The following PTPRF variants were observed in gnomAD, a reference collection of about 807,000 sequenced individuals.
PTPRF encodes receptor-type tyrosine-protein phosphatase F.
In PTPRF, 59 loss-of-function variants were observed where a neutral mutation model predicts 201.8. That is an observed-to-expected ratio of 0.29 (90% CI 0.24 to 0.36). The LOEUF is 0.36. PTPRF is among the 10% of genes least tolerant of loss of function. The pLI, the probability that PTPRF is intolerant of heterozygous loss-of-function variation, is 1.00. For synonymous variants in PTPRF, 1,088 were observed against 1,089.7 expected (o/e 1.00, Z 0.03); for missense variants, 2,132 against 2,690.5 (o/e 0.79, Z 4.59).
Position 43,619,802 on chromosome 1 carries a change from C to T in PTPRF, c.5055C>T (p.Pro1685=), listed in dbSNP as rs1305651262. 4 of 1,614,116 alleles carry T rather than the reference C, an allele frequency of 2.5e-6. No homozygotes were observed. Among genetic ancestry groups the T allele is most frequent in the African/African-American group, 2.7e-5 (2 of 74,952 alleles). The change falls in exon 29 of 34, where the codon CCC becomes CCT. Residue 1685 remains proline, a synonymous_variant. Transcript: ENST00000359947. ...PYELTRVCLQ[P]IRGVEGSDYI... Reference sequence around the variant, plus strand: ...AATTGACCCGTGTGTGTCTGCAGCCCATCCGTGGTGTGGAGGGCTCTGACT... The same window carrying T: ...AATTGACCCGTGTGTGTCTGCAGCCTATCCGTGGTGTGGAGGGCTCTGACT...
Position 43,603,882 on chromosome 1 carries a change from C to T in PTPRF, c.2730C>T (p.Thr910=). 6.2e-7 allele frequency: 1 copy of T among 1,614,098 alleles called. No individual in the cohort carries two copies. The highest frequency in any genetic ancestry group is 8.5e-7 in the Non-Finnish European group (1 of 1,180,034). ...AGGAGTTCGAGAAGGAGATCAGGAC[C>T]CCCGAGGACCTGCCCAGCGGCTTCC... ...LGEEFEKEIR[T]PEDLPSGFPQ... is the part of the protein sequence containing the mutation. Residue 910 remains threonine (T), a synonymous_variant, in exon 16 of 34, where the codon ACC becomes ACT. Coordinates refer to ENST00000359947, the MANE Select transcript of PTPRF (RefSeq NM_002840.5). This position sits in a 1 kb window ranked among gnomAD's most constrained non-coding sequence, Gnocchi z 5.8.
chr1:43,534,870 C>T (rs1212141358), intron 1 of PTPRF, among the ~76,000 whole-genome samples: 1 of 152,186 alleles, frequency 6.6e-6, no homozygotes, highest in Non-Finnish European at 1.5e-5. Context: ...AAGCAAGTGG[C>T]TTAACCTCTC....
At chr1:43,536,310 T>G (rs924996738) in intron 1 of PTPRF, among the ~76,000 whole-genome samples, 1 of 152,184 alleles carries the variant, frequency 6.6e-6, no homozygotes, top group African/African-American at 2.4e-5. Flanking sequence ...CAGACTGACG[T>G]GGTTCAAAGT....
intron 2 of PTPRF, among the ~76,000 whole-genome samples, chr1:43,541,959 A>T (rs527446922): frequency 6.6e-6 from 1 of 152,312 alleles, no homozygotes; most frequent in East Asian, 1.9e-4. Flanking sequence ...TCACCCAGCC[A>T]TGCTGGTGAA....
At chr1:43,545,507 G>A (rs1644606347) in intron 3 of PTPRF, among the ~76,000 whole-genome samples, 1 of 152,166 alleles carries the variant, frequency 6.6e-6, no homozygotes, top group Non-Finnish European at 1.5e-5. Context: ...GGCACAGTGT[G>A]AGCTACAGCC....
chr1:43,612,626 C>G (rs1474954590), intron 22 of PTPRF: 1 of 588,834 alleles, frequency 1.7e-6, no homozygotes, highest in African/African-American at 2.0e-5. Context: ...CTCACCGCCC[C>G]CTCCTCTTCT....
At chr1:43,597,017 G>A (rs1652439140) in intron 11 of PTPRF, among the ~76,000 whole-genome samples, 1 of 152,102 alleles carries the variant, frequency 6.6e-6, no homozygotes. Context: ...GACACTGTGA[G>A]ACACCAAGAC....
At position 43,604,971 on chromosome 1, in the gene PTPRF, G is replaced by A. The variant is rs780607373; in HGVS notation, c.3106G>A (p.Asp1036Asn). 4 of 1,614,154 alleles carry A rather than the reference G, an allele frequency of 2.5e-6. No homozygotes were observed. The highest frequency in any genetic ancestry group is 2.7e-5 in the African/African-American group (2 of 75,058). ...TSVLLSWEVP[D>N]SYKSAVPFKI... ...TGTGCTGCTCAGCTGGGAGGTTCCC[G>A]ACTCCTATAAGTCAGCTGTGCCCTT... The change falls in exon 17 of 34, where the codon GAC becomes AAC. Residue 1036 changes from aspartate (D) to asparagine (N), a missense_variant. Around this residue, in one of 6 missense-constraint regions of PTPRF, gnomAD observed 818 missense variants for 915.3 expected, o/e 0.89. Transcript: ENST00000359947.
At chr1:43,582,396 G>A (rs1302608350) in intron 7 of PTPRF, 1 of 152,368 alleles carries the variant, frequency 6.6e-6, no homozygotes. Flanking sequence ...GGCATGCTGG[G>A]TGGGCCAGAG....
intron 7 of PTPRF, among the ~76,000 whole-genome samples, chr1:43,580,342 G>A (rs1570260126): frequency 1.3e-5 from 2 of 152,198 alleles, no homozygotes; most frequent in Admixed American, 1.3e-4. Flanking sequence ...TCTGTCATGG[G>A]AGAGGGTGGT....
intron 13 of PTPRF, among the ~76,000 whole-genome samples, chr1:43,599,625 CTG>C (rs773990175): frequency 7.9e-5 from 12 of 152,356 alleles, no homozygotes; most frequent in Non-Finnish European, 1.2e-4. Flanking sequence ...ACACCTCCCT[CTG>C]TGCACATCTG....
chr1:43,583,030 CCCT>C, intron 7 of PTPRF: 1 of 971,936 alleles, frequency 1.0e-6, no homozygotes, highest in East Asian at 1.1e-4. Flanking sequence ...TTTTTTTATT[CCCT>C]CCTCATCTTC....
At chr1:43,597,640 C>CT (rs1241456675) in intron 11 of PTPRF, 108 bp from the exon 12 acceptor site, 12 of 867,140 alleles carry the variant, frequency 1.4e-5, no homozygotes, top group Non-Finnish European at 2.2e-5. Context: ...ATTTCAGCAC[C>CT]TAAGGGGTAG....
intron 7 of PTPRF, among the ~76,000 whole-genome samples, chr1:43,580,392 G>T (rs950411070): frequency 6.6e-5 from 10 of 152,350 alleles, no homozygotes; most frequent in African/African-American, 1.4e-4. Flanking sequence ...TCGGTGACCA[G>T]TTGAGCTGCA....
At chr1:43,569,152 G>C (rs957045328) in intron 5 of PTPRF, among the ~76,000 whole-genome samples, 7 of 152,166 alleles carry the variant, frequency 4.6e-5, no homozygotes, top group Non-Finnish European at 8.8e-5. Context: ...AGGGGAGAGG[G>C]GGCTGGACAG....
chr1:43,581,173 T>G, intron 7 of PTPRF, among the ~76,000 whole-genome samples: 1 of 152,234 alleles, frequency 6.6e-6, no homozygotes, highest in East Asian at 1.9e-4. Context: ...CATGGTAGAC[T>G]CAGGCAGGGC....
intron 5 of PTPRF, among the ~76,000 whole-genome samples, chr1:43,555,442 C>CTTTTTTTTTTTTTTTT (rs986469997): frequency 2.6e-5 from 3 of 115,566 alleles, no homozygotes; most frequent in Non-Finnish European, 3.6e-5. Flanking sequence ...TATCATTATT[C>CTTTTTTTTTTTTTTTT]TTTTTTTTTT....
chr1:43,604,914 A>C lies in PTPRF; in HGVS notation c.3049A>C (p.Asn1017His). Reference protein sequence around the residue: ...TMPVEQVFAKNFRVAAAMKTS... With the variant: ...TMPVEQVFAKHFRVAAAMKTS... ...CTATGCCTTTGCAGTGTTTGCCAAGAACTTCCGGGTGGCGGCTGCAATGAA... is the reference window on the plus strand; with the variant it reads ...CTATGCCTTTGCAGTGTTTGCCAAGCACTTCCGGGTGGCGGCTGCAATGAA... The change falls in exon 17 of 34, where the codon AAC (asparagine) becomes CAC (histidine). Residue 1017 changes from asparagine (N) to histidine (H), a missense_variant. Coordinates refer to ENST00000359947, the MANE Select transcript of PTPRF (RefSeq NM_002840.5). The C allele has an allele frequency of 6.2e-7, 1 of 1,614,040 alleles. No individual in the cohort carries two copies.
At chr1:43,552,115 G>GA (rs55696384) in intron 3 of PTPRF, among the ~76,000 whole-genome samples, 2,532 of 150,894 alleles carry the variant, frequency 0.017, 76 homozygotes, top group African/African-American at 0.058. Context: ...AAGAAAAAAA[G>GA]AAAAAAAAAA....
Sources: allele counts gnomAD v4.1 joint callset (sites outside exome capture counted in the v4.1 genomes callset), GRCh38; gene constraint gnomAD v4.1.1; regional missense constraint gnomAD v4.1.1; non-coding constraint Gnocchi (gnomAD v3.1); transcripts MANE v1.5; gene names NCBI Gene and HGNC (gene_info 2026-07-23, HGNC 2026-07-21).